Variants in CLEC16A observed in about 807,000 individuals in gnomAD.
CLEC16A encodes protein CLEC16A.
In CLEC16A, 51 loss-of-function variants were observed where a neutral mutation model predicts 109.5. That is an observed-to-expected ratio of 0.47 (90% confidence interval 0.37 to 0.59). The LOEUF (loss-of-function observed/expected upper bound fraction) is 0.59, where lower values mean the gene tolerates loss of function less well. Ranked by LOEUF, CLEC16A falls within the 20% of genes least tolerant of loss-of-function variation. The pLI, the probability that CLEC16A is intolerant of heterozygous loss-of-function variation, is 0.00. For synonymous variants in CLEC16A, 673 were observed against 564.2 expected (o/e 1.19, Z -2.73); for missense variants, 1,339 against 1,394.0 (o/e 0.96, Z 0.63).
chr16:10,981,122 A>G (rs1490827541), intron 9 of CLEC16A, among the ~76,000 whole-genome samples: 2 of 152,224 alleles, frequency 1.3e-5, no homozygotes, highest in East Asian at 3.9e-4. Flanking sequence ...GTGTGTGTCC[A>G]CAGGCAGGAA....
chr16:11,025,605 C>A, intron 13 of CLEC16A, among the ~76,000 whole-genome samples: 1 of 152,286 alleles, frequency 6.6e-6, no homozygotes, highest in Middle Eastern at 3.4e-3. Flanking sequence ...TCCTTCTAAC[C>A]CCTGCCAAGA....
chr16:10,996,520 G>C (rs900465676), intron 10 of CLEC16A, among the ~76,000 whole-genome samples: 1 of 152,146 alleles, frequency 6.6e-6, no homozygotes, highest in African/African-American at 2.4e-5. Context: ...TCCTTCCTGA[G>C]CATGCTGCTG....
intron 19 of CLEC16A, among the ~76,000 whole-genome samples, chr16:11,104,653 G>A (rs2051112927): frequency 6.6e-6 from 1 of 152,196 alleles, no homozygotes; most frequent in South Asian, 2.1e-4. Context: ...ATACCACGAA[G>A]GTGGAGAAAA....
intron 10 of CLEC16A, among the ~76,000 whole-genome samples, chr16:11,002,321 A>T (rs1371691405): frequency 1.3e-5 from 2 of 152,184 alleles, no homozygotes; most frequent in African/African-American, 4.8e-5. Context: ...CAAACAGCTA[A>T]TATTTGGGGA....
chr16:11,063,873 C>T (rs1394031151), intron 19 of CLEC16A, among the ~76,000 whole-genome samples: 1 of 147,492 alleles, frequency 6.8e-6, no homozygotes, highest in Non-Finnish European at 1.5e-5. Flanking sequence ...CTGGCAGCCA[C>T]GTGTGCCACA....
intron 23 of CLEC16A, among the ~76,000 whole-genome samples, chr16:11,168,874 G>T (rs1229810204): frequency 6.6e-6 from 1 of 152,230 alleles, no homozygotes; most frequent in Non-Finnish European, 1.5e-5. Context: ...TTTGACATTG[G>T]CTCAGAGTGC....
At chr16:11,006,655 G>A (rs767255242) in intron 11 of CLEC16A, among the ~76,000 whole-genome samples, 2 of 152,204 alleles carry the variant, frequency 1.3e-5, no homozygotes, top group Non-Finnish European at 2.9e-5. Context: ...ATGTGGTCAC[G>A]AGGCACAGTT....
At chr16:11,111,585 T>C (rs1387511051) in intron 19 of CLEC16A, among the ~76,000 whole-genome samples, 3 of 152,196 alleles carry the variant, frequency 2.0e-5, no homozygotes, top group African/African-American at 4.8e-5. Context: ...GTAAGAAATA[T>C]TGCTGTGGCC....
At chr16:11,152,440 G>T (rs926612779) in intron 22 of CLEC16A, among the ~76,000 whole-genome samples, 2 of 152,200 alleles carry the variant, frequency 1.3e-5, no homozygotes, top group Non-Finnish European at 2.9e-5. Flanking sequence ...TTCTATTTCT[G>T]ATCCCAAATG....
chr16:10,986,731 A>ATGTG (rs59931468), intron 10 of CLEC16A, among the ~76,000 whole-genome samples: 10,637 of 150,196 alleles, frequency 0.071, 455 homozygotes, highest in Non-Finnish European at 0.1. Context: ...TTAAGGCTCA[A>ATGTG]TGTGTGTGTG....
chr16:11,019,044 G>T (rs1304154811), intron 11 of CLEC16A, among the ~76,000 whole-genome samples: 1 of 152,180 alleles, frequency 6.6e-6, no homozygotes, highest in Non-Finnish European at 1.5e-5. Context: ...CGGGGGGAGG[G>T]AGACCATGGC....
chr16:11,126,528 C>T (rs1005297299), intron 22 of CLEC16A: 6 of 744,104 alleles, frequency 8.1e-6, no homozygotes, highest in Non-Finnish European at 1.2e-5. Context: ...CCGGTTACAA[C>T]CCCCTGAAGA....
At chr16:11,134,992 C>T (rs962554036) in intron 22 of CLEC16A, among the ~76,000 whole-genome samples, 2 of 152,252 alleles carry the variant, frequency 1.3e-5, no homozygotes, top group South Asian at 4.1e-4. Context: ...AAAGATGCTC[C>T]GTCCTGAGAC....
chr16:10,962,622 GCT>G (rs2042303465), intron 3 of CLEC16A, 34 bp downstream of exon 3: 1 of 1,607,804 alleles, frequency 6.2e-7, no homozygotes, highest in Non-Finnish European at 8.5e-7. Context: ...CCTCTGTGCT[GCT>G]GTGCATGTAG....
At chr16:11,089,804 G>T (rs994979537) in intron 19 of CLEC16A, among the ~76,000 whole-genome samples, 2 of 152,186 alleles carry the variant, frequency 1.3e-5, no homozygotes, top group East Asian at 1.9e-4. Flanking sequence ...GGCATGACTC[G>T]CAGCATGGGC....
intron 19 of CLEC16A, among the ~76,000 whole-genome samples, chr16:11,089,857 A>G (rs763521167): frequency 3.9e-5 from 6 of 152,176 alleles, no homozygotes; most frequent in Non-Finnish European, 7.4e-5. Flanking sequence ...AAACCAGTCA[A>G]CCCTGTGCTC....
chr16:11,049,220 C>G (rs559538078), intron 17 of CLEC16A, among the ~76,000 whole-genome samples: 32 of 152,214 alleles, frequency 2.1e-4, no homozygotes, highest in Non-Finnish European at 1.6e-4. Flanking sequence ...GCTGGCCAGG[C>G]TGGTCTCAAA....
chr16:10,971,267 C>T, intron 5 of CLEC16A, 37 bp downstream of exon 5: 3 of 1,476,212 alleles, frequency 2.0e-6, no homozygotes, highest in Non-Finnish European at 2.8e-6. Context: ...CGGCTGATTT[C>T]TGACTTGGCA....
intron 19 of CLEC16A, among the ~76,000 whole-genome samples, chr16:11,072,371 G>T (rs940936928): frequency 2.0e-5 from 3 of 152,014 alleles, no homozygotes; most frequent in African/African-American, 7.3e-5. Context: ...CTCCTGCTTC[G>T]GCTTCCCAAT....
Sources: allele counts gnomAD v4.1 joint callset (sites outside exome capture counted in the v4.1 genomes callset), GRCh38; gene constraint gnomAD v4.1.1; transcripts MANE v1.5; gene names NCBI Gene and HGNC (gene_info 2026-07-23, HGNC 2026-07-21).